The following EBF3 variants were observed in gnomAD, a reference collection of about 807,000 sequenced individuals.
EBF3 encodes the protein transcription factor COE3.
A neutral mutation model predicts 77.1 loss-of-function variants in EBF3; 18 were observed. The ratio of observed to expected loss-of-function variants is 0.23; its 90% CI spans 0.16 to 0.35. EBF3 has a LOEUF of 0.35. Among genes scored for constraint, EBF3 ranks in the 10% least tolerant of loss-of-function variants. EBF3 has a pLI of 1.00. For missense variants in EBF3, 558 were observed against 860.0 expected (o/e 0.65, Z 4.39); for synonymous variants, 350 against 343.5 (o/e 1.02, Z -0.21).
intron 6 of EBF3, among the ~76,000 whole-genome samples, chr10:129,906,710 TTTGA>T (rs1229834759): frequency 1.3e-5 from 2 of 152,208 alleles, no homozygotes; most frequent in African/African-American, 4.8e-5. Context: ...ACCTCAATTG[TTTGA>T]TTGAGAAGGG....
At chr10:129,960,294 C>T (rs983135095) in intron 4 of EBF3, among the ~76,000 whole-genome samples, 9 of 151,988 alleles carry the variant, frequency 5.9e-5, no homozygotes, top group South Asian at 2.1e-4. Flanking sequence ...CTTTCCTCTA[C>T]TTCCAGGCGG....
chr10:129,865,596 C>T (rs185287198), intron 10 of EBF3, among the ~76,000 whole-genome samples: 79 of 152,256 alleles, frequency 5.2e-4, no homozygotes, highest in African/African-American at 1.9e-3. Flanking sequence ...GCTGAGCTGT[C>T]GACTGGACAC....
chr10:129,872,126 C>G (rs1852444572), intron 8 of EBF3, among the ~76,000 whole-genome samples: 1 of 152,196 alleles, frequency 6.6e-6, no homozygotes, highest in Non-Finnish European at 1.5e-5. Flanking sequence ...AGACTACAAC[C>G]TAACACCAGA....
chr10:129,889,743 C>T (rs183567673), intron 6 of EBF3, among the ~76,000 whole-genome samples: 182 of 143,414 alleles, frequency 1.3e-3, no homozygotes, highest in Non-Finnish European at 2.0e-3. Flanking sequence ...CTGTTGGGTG[C>T]AGGGAGGGGA....
rs574931610 is a variant in EBF3 at position 129,879,891 on chromosome 10, G to A, written c.555-2042C>T. ...GTTTTCACTTCGGGGACAGCAACACGGTGCAATTACACCACACATTACCAC... is the reference window on the plus strand; with the variant it reads ...GTTTTCACTTCGGGGACAGCAACACAGTGCAATTACACCACACATTACCAC... On this transcript the variant is annotated intron_variant, in intron 6 of 16. Transcript: ENST00000440978. This position sits in a 1 kb window ranked among gnomAD's most constrained non-coding sequence, Gnocchi z 4.7. Among the ~76,000 whole-genome samples, 274 of 152,228 alleles carry A rather than the reference G, an allele frequency of 1.8e-3. No individual in the cohort carries two copies. Among genetic ancestry groups the A allele is most frequent in the African/African-American group, 6.1e-3 (254 of 41,538 alleles).
rs527570954 is a variant in EBF3 at position 129,942,636 on chromosome 10, T to A, written c.554+14622A>T. ...GACTACCACGTCCACACAGGGTGCA[T>A]TCCAGAGATGGCCTCTCTGCTCTTT... On this transcript the variant is annotated intron_variant, in intron 6 of 16. Coordinates refer to ENST00000440978, the MANE Select transcript of EBF3 (RefSeq NM_001375380.1). Among the ~76,000 whole-genome samples, 5 of 152,318 alleles carry A rather than the reference T, an allele frequency of 3.3e-5. 1 individual carries two copies. In the South Asian group the frequency reaches 1.0e-3, roughly 32 times the overall value.
At position 129,947,868 on chromosome 10, in the gene EBF3, GA is replaced by G. The variant is rs537596611; in HGVS notation, c.554+9389del. 1.1e-3 allele frequency among the ~76,000 whole-genome samples: 161 copies of G among 148,552 alleles called. No individual in the cohort carries two copies. Among genetic ancestry groups the G allele is most frequent in the Middle Eastern group, 3.5e-3 (1 of 288 alleles). The stretch of plus-strand genomic sequence containing the variant: ...CAGAGTGCCCAGTAACCTTTAAGAA[GA>G]AAAAAAAAATTATATTCAAAGAGAG... On this transcript the variant is annotated intron_variant, in intron 6 of 16. Transcript: ENST00000440978. The surrounding 1 kb of genome is among the most constrained non-coding windows in gnomAD (Gnocchi z 4.5).
intron 6 of EBF3, among the ~76,000 whole-genome samples, chr10:129,928,633 T>A (rs987997869): frequency 2.6e-5 from 4 of 152,218 alleles, no homozygotes; most frequent in African/African-American, 9.6e-5. Context: ...GAATGTGGAT[T>A]CTGTGTGCAA....
At position 129,930,828 on chromosome 10, in the gene EBF3, C is replaced by A. The variant is rs533822589; in HGVS notation, c.554+26430G>T. Among the ~76,000 whole-genome samples, 6 of 148,814 alleles carry A rather than the reference C, an allele frequency of 4.0e-5. No homozygotes were observed. The South Asian group carries it at 1.3e-3, about 32-fold the overall frequency. On this transcript the variant is annotated intron_variant, in intron 6 of 16. Transcript: ENST00000440978. ...ATTAACAAATCCCCCTCTCATATAT[C>A]TATATCTGTATCTGTCTATATCTAT...
chr10:129,960,009 C>T (rs1439188334), intron 4 of EBF3, among the ~76,000 whole-genome samples: 2 of 152,060 alleles, frequency 1.3e-5, no homozygotes, highest in Non-Finnish European at 2.9e-5. Context: ...GGTGCGCTCA[C>T]GGCCGCGCTC....
rs567358147 is a variant in EBF3, at chr10:129,837,792, A to G, written c.*151T>C. ...AATAGTTTAAATAAAATCTTTAAAC[A>G]AAGTCTTTTGTAGCATTTCAATTGC... On this transcript the variant is annotated 3_prime_UTR_variant, in exon 17 of 17. Coordinates refer to ENST00000440978, the MANE Select transcript of EBF3 (RefSeq NM_001375380.1). 77 of 985,194 alleles carry G rather than the reference A, an allele frequency of 7.8e-5. No homozygotes were observed. In the South Asian group the frequency reaches 1.1e-3, roughly 14 times the overall value. The allele number at this position is 985,194 out of a possible 1,614,324, so 61.0% of individuals were successfully genotyped here.
chr10:129,941,159 G>A (rs922837343), intron 6 of EBF3, among the ~76,000 whole-genome samples: 6 of 152,232 alleles, frequency 3.9e-5, no homozygotes, highest in African/African-American at 1.4e-4. Flanking sequence ...ATAGTAGATT[G>A]AGATAAATAA....
In EBF3 at chr10:129,962,204, C is replaced by T; in HGVS notation, c.378G>A (p.Leu126=). The part of the protein sequence containing the change: ...YSNGVRTEQD[L]YVRLIDSMTK... ...TCATTGAATCTATGAGGCGAACATACAGATCTTGCTCTGTTCTGACTCCTG... is the reference window on the plus strand; with the variant it reads ...TCATTGAATCTATGAGGCGAACATATAGATCTTGCTCTGTTCTGACTCCTG... Residue 126 remains leucine (L), a synonymous_variant, in exon 4 of 17, where the codon CTG becomes CTA. Transcript: ENST00000440978. 1 of 1,614,134 alleles carries T rather than the reference C, an allele frequency of 6.2e-7. No individual in the cohort carries two copies. The highest frequency in any genetic ancestry group is 8.5e-7 in the Non-Finnish European group (1 of 1,180,022).
At chr10:129,855,145 G>C (rs1851165533) in intron 10 of EBF3, among the ~76,000 whole-genome samples, 1 of 152,196 alleles carries the variant, frequency 6.6e-6, no homozygotes, top group Non-Finnish European at 1.5e-5. Context: ...CTGTCGAAAA[G>C]TCTTCTAAGG....
In EBF3 at chr10:129,841,041, A is replaced by AGCCC. The variant is rs1554892366; in HGVS notation, c.1373-10_1373-9insGGGC. 2 of 1,076,764 alleles carry AGCCC rather than the reference A, an allele frequency of 1.9e-6. No homozygotes were observed. Among genetic ancestry groups the AGCCC allele is most frequent in the Non-Finnish European group, 1.3e-6 (1 of 783,066 alleles). The allele number at this position is 1,076,764 out of a possible 1,614,324, so 66.7% of individuals were successfully genotyped here. A position where few individuals can be genotyped will look rare whatever the true frequency, so the allele number is the denominator to read the frequency against. On this transcript the variant is annotated splice_polypyrimidine_tract_variant and intron_variant, in intron 13 of 16. Coordinates refer to ENST00000440978, the MANE Select transcript of EBF3 (RefSeq NM_001375380.1). This position sits in a 1 kb window ranked among gnomAD's most constrained non-coding sequence, Gnocchi z 4.6. ...ATTGCGACTGTAGCCGACTGTTGAA[A>AGCCC]TCCCCCCCCCGGCCAAAAATAACAT...
In EBF3 at chr10:129,864,564, T is replaced by C. The variant is rs963765967; in HGVS notation, c.1039+2577A>G. On this transcript the variant is annotated intron_variant, in intron 10 of 16. Transcript: ENST00000440978. This position sits in a 1 kb window ranked among gnomAD's most constrained non-coding sequence, Gnocchi z 4.4. ...CCACATATGCAAAGATCTGAACTCA[T>C]GAAAGGATCCACTGAAGGCATCCAC... Among the ~76,000 whole-genome samples, 1 of 152,334 alleles carries C rather than the reference T, an allele frequency of 6.6e-6. No homozygotes were observed. Among genetic ancestry groups the C allele is most frequent in the African/African-American group, 2.4e-5 (1 of 41,576 alleles).
chr10:129,954,106 C>T (rs767445931), intron 6 of EBF3, among the ~76,000 whole-genome samples: 5 of 152,140 alleles, frequency 3.3e-5, no homozygotes, highest in Non-Finnish European at 7.3e-5. Flanking sequence ...AGAAGGTGTA[C>T]ATGTGTGTTT....
intron 6 of EBF3, among the ~76,000 whole-genome samples, chr10:129,900,355 C>T (rs774304087): frequency 6.6e-5 from 10 of 151,984 alleles, no homozygotes; most frequent in South Asian, 2.1e-4. Context: ...CAAAGAGAAA[C>T]GCAGAAAGAC....
intron 6 of EBF3, among the ~76,000 whole-genome samples, chr10:129,920,362 G>A (rs1427849864): frequency 6.6e-6 from 1 of 151,870 alleles, no homozygotes; most frequent in Non-Finnish European, 1.5e-5. Context: ...CCGCTGTGCG[G>A]TCTAGGGCGA....
Sources: gnomAD v4.1 joint callset for allele counts (sites outside exome capture counted in the v4.1 genomes callset) on GRCh38, gnomAD v4.1.1 for gene constraint, Gnocchi (gnomAD v3.1) non-coding constraint, MANE v1.5 for transcripts, NCBI Gene and HGNC (gene_info 2026-07-23, HGNC 2026-07-21) for gene names.